LPAR1: variants seen among roughly 807,000 people sequenced by gnomAD.
The protein encoded by LPAR1 is LPA receptor 1.
A neutral mutation model predicts 23.8 loss-of-function variants in LPAR1; 5 were observed. The ratio of observed to expected loss-of-function variants is 0.21; its 90% CI spans 0.11 to 0.44. The LOEUF (loss-of-function observed/expected upper bound fraction) is 0.44, where lower values mean the gene tolerates loss of function less well. Among genes scored for constraint, LPAR1 ranks in the 20% least tolerant of loss-of-function variants. The pLI, the probability that LPAR1 is intolerant of heterozygous loss-of-function variation, is 0.99. For missense variants in LPAR1, 311 were observed against 482.8 expected (o/e 0.64, Z 3.33); for synonymous variants, 160 against 164.7 (o/e 0.97, Z 0.22).
In LPAR1 at chr9:110,957,076, T is replaced by C. The variant is rs111446225; in HGVS notation, c.46-14908A>G. Among the ~76,000 whole-genome samples the C allele has an allele frequency of 8.6e-3, 1,310 of 152,044 alleles. 14 individuals are homozygous for C. The highest frequency in any genetic ancestry group is 0.03 in the African/African-American group (1,237 of 41,492). The stretch of plus-strand genomic sequence containing the variant: ...TGAATCTAATAACACATCAAAAAGA[T>C]AATATACCACGTTGGGCTCAGTGGC... On this transcript the variant is annotated intron_variant, in intron 4 of 5. Coordinates refer to ENST00000683809, the MANE Select transcript of LPAR1 (RefSeq NM_001351411.2).
At chr9:110,988,480 A>C (rs1302091448) in intron 2 of LPAR1, among the ~76,000 whole-genome samples, 1 of 152,192 alleles carries the variant, frequency 6.6e-6, no homozygotes, top group African/African-American at 2.4e-5. Context: ...AGCTAATTTT[A>C]AAATGATTAA....
intron 5 of LPAR1, among the ~76,000 whole-genome samples, chr9:110,887,606 T>A (rs2082763692): frequency 6.6e-6 from 1 of 152,122 alleles, no homozygotes; most frequent in Non-Finnish European, 1.5e-5. Flanking sequence ...TAAAGTAAGG[T>A]TATAAAAACA....
At chr9:111,027,091 C>T (rs1375427010) in intron 2 of LPAR1, among the ~76,000 whole-genome samples, 1 of 152,068 alleles carries the variant, frequency 6.6e-6, no homozygotes, top group Non-Finnish European at 1.5e-5. Context: ...GGAATAGTTT[C>T]AGAAGGAATG....
At chr9:110,882,135 T>C (rs1380534693) in intron 5 of LPAR1, among the ~76,000 whole-genome samples, 2 of 152,238 alleles carry the variant, frequency 1.3e-5, no homozygotes, top group Non-Finnish European at 2.9e-5. Flanking sequence ...CCCATTTTAT[T>C]ATCATCACAT....
chr9:111,010,240 A>G (rs1161617409), intron 2 of LPAR1, among the ~76,000 whole-genome samples: 1 of 152,106 alleles, frequency 6.6e-6, no homozygotes, highest in African/African-American at 2.4e-5. Flanking sequence ...AAATACATTC[A>G]GCTCTCATAA....
chr9:110,914,394 T>G (rs2092817044), intron 5 of LPAR1, among the ~76,000 whole-genome samples: 1 of 152,058 alleles, frequency 6.6e-6, no homozygotes, highest in Admixed American at 6.5e-5. Context: ...GAGAGCCAAG[T>G]GAAAGGGGTT....
intron 5 of LPAR1, among the ~76,000 whole-genome samples, chr9:110,898,289 T>G (rs185272721): frequency 2.1e-4 from 32 of 152,362 alleles, no homozygotes; most frequent in Admixed American, 1.7e-3. Flanking sequence ...CCAGTAGCTT[T>G]GGAATTACAA....
At chr9:110,928,855 C>T (rs1342807533) in intron 5 of LPAR1, among the ~76,000 whole-genome samples, 1 of 152,204 alleles carries the variant, frequency 6.6e-6, no homozygotes, top group African/African-American at 2.4e-5. Context: ...ATCTTTTCTG[C>T]ATGTTCTTTA....
intron 2 of LPAR1, chr9:110,999,457 C>T (rs1318341774): frequency 1.1e-5 from 5 of 455,532 alleles, no homozygotes; most frequent in Admixed American, 2.4e-5. Context: ...ACCATGCAGC[C>T]CTGCTTTCTA....
intron 5 of LPAR1, among the ~76,000 whole-genome samples, chr9:110,905,508 A>G (rs898515212): frequency 1.3e-5 from 2 of 151,840 alleles, no homozygotes; most frequent in African/African-American, 2.4e-5. Context: ...CACCACACTC[A>G]GCTAATTTTT....
chr9:110,957,239 C>T (rs1708986658), intron 4 of LPAR1, among the ~76,000 whole-genome samples: 1 of 151,326 alleles, frequency 6.6e-6, no homozygotes, highest in African/African-American at 2.4e-5. Context: ...CACCTATAGT[C>T]CCAGCTACAT....
At chr9:110,897,868 G>A (rs2087004094) in intron 5 of LPAR1, among the ~76,000 whole-genome samples, 2 of 151,478 alleles carry the variant, frequency 1.3e-5, no homozygotes, top group African/African-American at 4.9e-5. Flanking sequence ...CATTGTCTCT[G>A]CATCACTTTG....
chr9:110,967,932 A>G lies in LPAR1; in HGVS notation c.45+4141T>C, dbSNP rs372728364. ...ATCTATCTCTATGACCTAATGTCCC[A>G]GTGTATAGCTGACTCCTTCCCCGTG... On this transcript the variant is annotated intron_variant, in intron 4 of 5. Coordinates refer to ENST00000683809, the MANE Select transcript of LPAR1 (RefSeq NM_001351411.2). Among the ~76,000 whole-genome samples the G allele has an allele frequency of 4.6e-5, 7 of 152,330 alleles. No homozygotes were observed. In the East Asian group the frequency reaches 9.6e-4, roughly 21 times the overall value.
intron 2 of LPAR1, among the ~76,000 whole-genome samples, chr9:110,987,691 A>AT (rs2096815633): frequency 7.1e-6 from 1 of 140,514 alleles, no homozygotes; most frequent in African/African-American, 2.7e-5. Flanking sequence ...TATATATATA[A>AT]AGTTGGCCCT....
In LPAR1 at chr9:111,038,429, A is replaced by G. The variant is rs2097941741; in HGVS notation, c.-524T>C. ...CGCTCCGCAGCGGGGCTGGAGACGG[A>G]GTCGCCACTCAGGGAGCGTCAGCCG... is the stretch of plus-strand genomic sequence containing the variant. On this transcript the variant is annotated 5_prime_UTR_variant, in exon 1 of 6. Coordinates refer to ENST00000683809, the MANE Select transcript of LPAR1 (RefSeq NM_001351411.2). This position sits in a 1 kb window ranked among gnomAD's most constrained non-coding sequence, Gnocchi z 4.4. 3.2e-6 allele frequency: 1 copy of G among 313,684 alleles called. No individual in the cohort carries two copies. Among genetic ancestry groups the G allele is most frequent in the South Asian group, 2.2e-5 (1 of 44,458 alleles). The allele number at this position is 313,684 out of a possible 1,614,324, so 19.4% of individuals were successfully genotyped here. A position where few individuals can be genotyped will look rare whatever the true frequency, so the allele number is the denominator to read the frequency against.
At chr9:110,880,113 G>C (rs2080310086) in intron 5 of LPAR1, among the ~76,000 whole-genome samples, 1 of 152,190 alleles carries the variant, frequency 6.6e-6, no homozygotes, top group South Asian at 2.1e-4. Context: ...ATTGTCCCCT[G>C]ATTTGCCAAT....
At chr9:110,899,533 GAGT>G (rs997776815) in intron 5 of LPAR1, among the ~76,000 whole-genome samples, 1 of 152,160 alleles carries the variant, frequency 6.6e-6, no homozygotes, top group African/African-American at 2.4e-5. Context: ...TAAGTGCAGG[GAGT>G]AGCAAGGGAG....
chr9:110,933,762 C>T (rs190369706), intron 5 of LPAR1, among the ~76,000 whole-genome samples: 1 of 152,290 alleles, frequency 6.6e-6, no homozygotes, highest in African/African-American at 2.4e-5. Context: ...CCAGACAAGG[C>T]CTGAATCACT....
intron 5 of LPAR1, among the ~76,000 whole-genome samples, chr9:110,926,712 C>T (rs1245509816): frequency 6.6e-6 from 1 of 151,520 alleles, no homozygotes; most frequent in Non-Finnish European, 1.5e-5. Context: ...TTTCCCCTAA[C>T]TCTCCTTTCC....
Sources: gnomAD v4.1 joint callset for allele counts (sites outside exome capture counted in the v4.1 genomes callset) on GRCh38, gnomAD v4.1.1 for gene constraint, Gnocchi (gnomAD v3.1) non-coding constraint, MANE v1.5 for transcripts, NCBI Gene and HGNC (gene_info 2026-07-23, HGNC 2026-07-21) for gene names.